JAKMIP3: variants seen among roughly 807,000 people sequenced by gnomAD.
JAKMIP3 encodes the protein janus kinase and microtubule-interacting protein 3.
Under a neutral mutation model 118.5 loss-of-function variants are expected in JAKMIP3, and 58 were observed. The ratio of observed to expected loss-of-function variants is 0.49; its 90% confidence interval spans 0.40 to 0.61. The LOEUF is 0.61. Ranked by LOEUF, JAKMIP3 falls within the 20% of genes least tolerant of loss-of-function variation. The pLI is 0.00. For missense variants in JAKMIP3, 950 were observed against 1,109.0 expected (o/e 0.86, Z 2.04); for synonymous variants, 486 against 451.2 (o/e 1.08, Z -0.98).
chr10:132,154,515 G>A (rs77115185), intron 19 of JAKMIP3, among the ~76,000 whole-genome samples: 19,002 of 152,248 alleles, frequency 0.12, 1,386 homozygotes, highest in Middle Eastern at 0.16. Context: ...CCCCGTGACT[G>A]CACAAGCAAA....
chr10:132,086,840 C>A (rs750964218), intron 1 of JAKMIP3, among the ~76,000 whole-genome samples: 2 of 152,124 alleles, frequency 1.3e-5, no homozygotes, highest in Non-Finnish European at 2.9e-5. Context: ...TAAGTGGAGG[C>A]TTTAGGCCAT....
In JAKMIP3 at chr10:132,098,123, C is replaced by G. The variant is rs372952431; in HGVS notation, c.-137-6549C>G. ...TGATCACAGCTCACTGTGGCCTTGA[C>G]CTCCCAGCCCCAAGCGATCCTCCCG... On this transcript the variant is annotated intron_variant, in intron 1 of 23. Coordinates refer to ENST00000684848, the MANE Select transcript of JAKMIP3 (RefSeq NM_001323087.2). Among the ~76,000 whole-genome samples the G allele has an allele frequency of 2.2e-3, 337 of 151,578 alleles. 3 individuals are homozygous for G. Among genetic ancestry groups the G allele is most frequent in the African/African-American group, 7.8e-3 (322 of 41,296 alleles).
intron 1 of JAKMIP3, among the ~76,000 whole-genome samples, chr10:132,055,874 C>T (rs768019753): frequency 1.3e-5 from 2 of 152,156 alleles, no homozygotes; most frequent in Admixed American, 1.3e-4. Context: ...GCTTCTGCCC[C>T]CTTCCTGCCT....
At position 132,149,510 on chromosome 10, in the gene JAKMIP3, G is replaced by A. The variant is rs2136120108; in HGVS notation, c.1947G>A (p.Thr649=). The A allele has an allele frequency of 4.6e-6, 7 of 1,533,110 alleles. No homozygotes were observed. The highest frequency in any genetic ancestry group is 6.2e-6 in the Non-Finnish European group (7 of 1,138,166). 95.0% of individuals were successfully genotyped at this position (1,533,110 alleles called of 1,614,324 possible). The change falls in exon 15 of 24, where the codon ACG becomes ACA. Residue 649 remains threonine (T), a splice_region_variant and synonymous_variant. Coordinates refer to ENST00000684848, the MANE Select transcript of JAKMIP3 (RefSeq NM_001323087.2). Reference sequence around the variant, plus strand: ...TGTACTGCGAGGCCGAAGGTGTGACGGTGAGTCCCGCCCCTCCTGCCCACT... The same window carrying A: ...TGTACTGCGAGGCCGAAGGTGTGACAGTGAGTCCCGCCCCTCCTGCCCACT... ...LQVYCEAEGV[T]DIVVAELMKK...
At chr10:132,125,263 T>C (rs1484394977) in intron 3 of JAKMIP3, among the ~76,000 whole-genome samples, 2 of 149,176 alleles carry the variant, frequency 1.3e-5, no homozygotes, top group African/African-American at 5.2e-5. Flanking sequence ...TTGGGATGGA[T>C]TGAGTTGGAT....
intron 11 of JAKMIP3, 63 bp downstream of exon 11, chr10:132,142,111 C>T (rs2814177): frequency 1.3e-6 from 2 of 1,514,312 alleles, no homozygotes; most frequent in Non-Finnish European, 8.8e-7. Context: ...ACCCCGTGGC[C>T]TGGGCTGGGA....
chr10:132,163,724 C>G (rs565283323), intron 20 of JAKMIP3, among the ~76,000 whole-genome samples: 3 of 152,276 alleles, frequency 2.0e-5, no homozygotes, highest in African/African-American at 7.2e-5. Flanking sequence ...CAATGGCAGG[C>G]ACTCAGGCCA....
chr10:132,087,723 T>A (rs1177663013), intron 1 of JAKMIP3, among the ~76,000 whole-genome samples: 2 of 151,668 alleles, frequency 1.3e-5, no homozygotes, highest in South Asian at 2.1e-4. Context: ...TTTTTTTTTT[T>A]ATACTTTAAG....
At chr10:132,136,603 G>T (rs931374909) in intron 6 of JAKMIP3, among the ~76,000 whole-genome samples, 1 of 152,338 alleles carries the variant, frequency 6.6e-6, no homozygotes, top group African/African-American at 2.4e-5. Context: ...AGCCGGATGT[G>T]GGGGAGAGGC....
At chr10:132,068,853 C>A (rs2133941527) in intron 1 of JAKMIP3, among the ~76,000 whole-genome samples, 1 of 152,216 alleles carries the variant, frequency 6.6e-6, no homozygotes, top group South Asian at 2.1e-4. Flanking sequence ...GCAGGGGCAT[C>A]ATGGGAAACC....
intron 1 of JAKMIP3, among the ~76,000 whole-genome samples, chr10:132,058,647 C>A (rs930792320): frequency 6.6e-6 from 1 of 152,214 alleles, no homozygotes; most frequent in Non-Finnish European, 1.5e-5. Context: ...ATTCTGGTTA[C>A]ACGTGTGTGA....
At chr10:132,051,947 C>T (rs569311914) in intron 1 of JAKMIP3, among the ~76,000 whole-genome samples, 1 of 152,362 alleles carries the variant, frequency 6.6e-6, no homozygotes, top group South Asian at 2.1e-4. Context: ...AACATTATCC[C>T]AGCCAGGTGT....
intron 23 of JAKMIP3, among the ~76,000 whole-genome samples, chr10:132,181,722 C>T (rs1011019770): frequency 6.6e-6 from 1 of 152,174 alleles, no homozygotes; most frequent in African/African-American, 2.4e-5. Flanking sequence ...TAGGTTAAAT[C>T]AAAAACCAAA....
At chr10:132,142,177 C>A in intron 11 of JAKMIP3, 129 bp downstream of exon 11, 1 of 999,494 alleles carries the variant, frequency 1.0e-6, no homozygotes, top group Non-Finnish European at 1.4e-6. Flanking sequence ...CCCTTGCCTG[C>A]AGTCCTGGTG....
chr10:132,115,060 G>A (rs931035072), intron 2 of JAKMIP3, among the ~76,000 whole-genome samples: 9 of 152,192 alleles, frequency 5.9e-5, no homozygotes, highest in East Asian at 3.9e-4. Context: ...GGTGAATTAC[G>A]CATGAAGTGT....
In JAKMIP3 at chr10:132,104,889, T is replaced by A; in HGVS notation, c.81T>A (p.Asp27Glu). The A allele has an allele frequency of 3.8e-6, 6 of 1,579,786 alleles. No homozygotes were observed. The highest frequency in any genetic ancestry group is 5.2e-6 in the Non-Finnish European group (6 of 1,163,556). Residue 27 changes from aspartate (D) to glutamate (E), a missense_variant, in exon 2 of 24, where the codon GAT (aspartate) becomes GAA (glutamate). Asp to Glu is a conservative substitution (Grantham distance 45). Transcript: ENST00000684848. The stretch of plus-strand genomic sequence containing the variant: ...CGGCGCTGCAGGCGGCCAACGAGGA[T>A]CTTCGAGCCAAGCTCACAGACATCC... ...ALAALQAANE[D>E]LRAKLTDIQI...
chr10:132,085,246 GCCTGT>G, intron 1 of JAKMIP3, among the ~76,000 whole-genome samples: 1 of 152,204 alleles, frequency 6.6e-6, no homozygotes, highest in South Asian at 2.1e-4. Context: ...CAGTCTCGCT[GCCTGT>G]TATTGGTCTG....
rs76485813 is a variant in JAKMIP3 at position 132,067,407 on chromosome 10, G to A, written c.-138+1346G>A. Among the ~76,000 whole-genome samples, 171 of 152,222 alleles carry A rather than the reference G, an allele frequency of 1.1e-3. 1 individual carries two copies. Among genetic ancestry groups the A allele is most frequent in the African/African-American group, 3.8e-3 (157 of 41,550 alleles). On this transcript the variant is annotated intron_variant, in intron 1 of 23. Transcript: ENST00000684848. The stretch of plus-strand genomic sequence containing the variant: ...TGCACGGAGCTCCTGCTTCTCTCCC[G>A]ACAGCCCTGGGAAGGCCTTACTACT...
chr10:132,120,249 T>C (rs755142642), intron 3 of JAKMIP3, among the ~76,000 whole-genome samples: 5 of 152,222 alleles, frequency 3.3e-5, no homozygotes, highest in Non-Finnish European at 5.9e-5. Context: ...AAGACCAGTG[T>C]TGCCCGTGAG....
Sources: gnomAD v4.1 joint callset for allele counts (sites outside exome capture counted in the v4.1 genomes callset) on GRCh38, gnomAD v4.1.1 for gene constraint, MANE v1.5 for transcripts, NCBI Gene and HGNC (gene_info 2026-07-23, HGNC 2026-07-21) for gene names.